Variants in TNPO2 observed in about 807,000 individuals in gnomAD.
TNPO2 encodes the protein transportin-2.
In TNPO2, 16 loss-of-function variants were observed where a neutral mutation model predicts 111.1. The observed-to-expected ratio is 0.14, with a 90% CI of 0.10 to 0.22. TNPO2 has a LOEUF of 0.22. TNPO2 is among the 10% of genes least tolerant of loss of function. TNPO2 has a pLI of 1.00. For synonymous variants in TNPO2, 481 were observed against 475.8 expected (o/e 1.01, Z -0.14); for missense variants, 530 against 1,173.7 (o/e 0.45, Z 8.01).
intron 10 of TNPO2, among the ~76,000 whole-genome samples, chr19:12,714,457 C>T (rs936560129): frequency 2.0e-5 from 3 of 151,850 alleles, no homozygotes; most frequent in Admixed American, 1.3e-4. Context: ...GGACTACAGG[C>T]GCCTGCCACC....
Position 12,701,247 on chromosome 19 carries a change from C to T in TNPO2, c.*21-4G>A. The T allele has an allele frequency of 1.1e-6, 1 of 937,360 alleles. No individual in the cohort carries two copies. Among genetic ancestry groups the T allele is most frequent in the Non-Finnish European group, 1.6e-6 (1 of 610,810 alleles). 58.1% of individuals were successfully genotyped at this position (937,360 alleles called of 1,614,324 possible). ...CGACGACGACGCAGACAGAAACCTGCAGGGGGAGGAGGAAGGTCATGGCCT... is the reference window on the plus strand; with the variant it reads ...CGACGACGACGCAGACAGAAACCTGTAGGGGGAGGAGGAAGGTCATGGCCT... On this transcript the variant is annotated splice_polypyrimidine_tract_variant and splice_region_variant and intron_variant, in intron 25 of 25. Transcript: ENST00000425528. This position sits in a 1 kb window ranked among gnomAD's most constrained non-coding sequence, Gnocchi z 5.0.
Position 12,701,933 on chromosome 19 carries a change from G to A in TNPO2, c.2412-82C>T. On this transcript the variant is annotated intron_variant, in intron 22 of 25. Transcript: ENST00000425528. This position sits in a 1 kb window ranked among gnomAD's most constrained non-coding sequence, Gnocchi z 5.0. ...GGGCTGGGTCACTGGGGATCAGTGA[G>A]TGGGCCTGGGACATGCATCTGTGGG... 1 of 1,424,042 alleles carries A rather than the reference G, an allele frequency of 7.0e-7. No homozygotes were observed. The highest frequency in any genetic ancestry group is 1.2e-5 in the South Asian group (1 of 86,938). The allele number at this position is 1,424,042 out of a possible 1,614,324, so 88.2% of individuals were successfully genotyped here.
Position 12,715,870 on chromosome 19 carries a change from T to A in TNPO2, c.326-131A>T. The A allele has an allele frequency of 1.8e-6, 1 of 556,012 alleles. No individual in the cohort carries two copies. Among genetic ancestry groups the A allele is most frequent in the Non-Finnish European group, 3.1e-6 (1 of 326,844 alleles). The allele number at this position is 556,012 out of a possible 1,614,324, so 34.4% of individuals were successfully genotyped here. A position where few individuals can be genotyped will look rare whatever the true frequency, so the allele number is the denominator to read the frequency against. The stretch of plus-strand genomic sequence containing the variant: ...TGTACGCCCTCTACATCCCCCCTCC[T>A]TTTTTTTTTCTTTGTAAGAGATAGA... On this transcript the variant is annotated intron_variant, in intron 5 of 25. Transcript: ENST00000425528. This position sits in a 1 kb window ranked among gnomAD's most constrained non-coding sequence, Gnocchi z 7.1.
In TNPO2 at chr19:12,711,390, G is replaced by C; in HGVS notation, c.1023C>G (p.Arg341=). The change falls in exon 12 of 26, where the codon CGC becomes CGG. Residue 341 remains arginine, a synonymous_variant. Transcript: ENST00000425528. ...CAGCCTCGTGGGGCAGTGTGACCGT[G>C]CGTGACTTGTGGAAGCGTGGCTTGA... The part of the protein sequence containing the change: ...QDIKPRFHKS[R]TVTLPHEAER... The C allele has an allele frequency of 6.2e-7, 1 of 1,614,012 alleles. No homozygotes were observed. The highest frequency in any genetic ancestry group is 8.5e-7 in the Non-Finnish European group (1 of 1,179,898).
In TNPO2 at chr19:12,710,728, C is replaced by T. The variant is rs937164324; in HGVS notation, c.1163G>A (p.Arg388Gln). The change falls in exon 13 of 26, where the codon CGG (arginine) becomes CAG (glutamine). Residue 388 changes from arginine to glutamine, a missense_variant. Physicochemically the swap from Arg to Gln is conservative, Grantham distance 43. Around this residue, in one of 4 missense-constraint regions of TNPO2, gnomAD observed 88 missense variants for 130.2 expected, o/e 0.68. Transcript: ENST00000425528. ...AALDVLANVF[R>Q]EELLPHLLPL... ...GAGTAGGTGGGGCAGCAGTTCCTCC[C>T]GGAAGACATTGGCGAGGACGTCCAG... 5 of 1,613,342 alleles carry T rather than the reference C, an allele frequency of 3.1e-6. No individual in the cohort carries two copies. Among genetic ancestry groups the T allele is most frequent in the Non-Finnish European group, 4.2e-6 (5 of 1,179,670 alleles).
rs1196117885 is a variant in TNPO2, at chr19:12,719,873, G to A, written c.100-537C>T. On this transcript the variant is annotated intron_variant, in intron 3 of 25. Transcript: ENST00000425528. This position sits in a 1 kb window ranked among gnomAD's most constrained non-coding sequence, Gnocchi z 5.0. The stretch of plus-strand genomic sequence containing the variant: ...CCATCCACTCCTGAAGACCCAGCCA[G>A]AGCAGGAGAGGGAAGGAGAATCCCA... Among the ~76,000 whole-genome samples the A allele has an allele frequency of 1.3e-5, 2 of 151,074 alleles. No homozygotes were observed. Among genetic ancestry groups the A allele is most frequent in the African/African-American group, 4.9e-5 (2 of 41,026 alleles).
At position 12,699,341 on chromosome 19, in the gene TNPO2, A is replaced by AG. The variant is rs2025169719; in HGVS notation, c.*1922dup. On this transcript the variant is annotated 3_prime_UTR_variant, in exon 26 of 26. Coordinates refer to ENST00000425528, the MANE Select transcript of TNPO2 (RefSeq NM_001382241.1). ...GGGGGAAGAGGGTGAGGAGGGAAAG[A>AG]GGGACTGTGGCTCAAGGCCAGTCTG... The AG allele has an allele frequency of 2.5e-6, 1 of 396,580 alleles. No homozygotes were observed. The highest frequency in any genetic ancestry group is 2.8e-5 in the Admixed American group (1 of 36,142). The allele number at this position is 396,580 out of a possible 1,614,324, so 24.6% of individuals were successfully genotyped here. A position where few individuals can be genotyped will look rare whatever the true frequency, so the allele number is the denominator to read the frequency against.
intron 12 of TNPO2, 34 bp from the exon 13 acceptor site, chr19:12,710,807 CG>C (rs1376354090): frequency 6.3e-7 from 1 of 1,576,924 alleles, no homozygotes; most frequent in South Asian, 1.2e-5. Context: ...AGGCTCAGGG[CG>C]GCCCCTCAGG....
At chr19:12,718,073 C>T (rs2026464283) in intron 5 of TNPO2, among the ~76,000 whole-genome samples, 1 of 148,954 alleles carries the variant, frequency 6.7e-6, no homozygotes, top group Non-Finnish European at 1.5e-5. Flanking sequence ...GCCGCAATCT[C>T]GGCTCACTGC....
Position 12,702,329 on chromosome 19 carries a change from G to C in TNPO2, c.2306-152C>G. Reference sequence around the variant, plus strand: ...CAGGGGTCCTCCTCATCACACCTGAGTCACTTCCCAGGTCTCTCTGCATCT... The same window carrying C: ...CAGGGGTCCTCCTCATCACACCTGACTCACTTCCCAGGTCTCTCTGCATCT... On this transcript the variant is annotated intron_variant, in intron 21 of 25. Transcript: ENST00000425528. This position sits in a 1 kb window ranked among gnomAD's most constrained non-coding sequence, Gnocchi z 5.5. The C allele has an allele frequency of 1.4e-6, 1 of 696,748 alleles. No homozygotes were observed. Among genetic ancestry groups the C allele is most frequent in the Non-Finnish European group, 2.6e-6 (1 of 383,962 alleles). 43.2% of individuals were successfully genotyped at this position (696,748 alleles called of 1,614,324 possible). A position where few individuals can be genotyped will look rare whatever the true frequency, so the allele number is the denominator to read the frequency against.
chr19:12,711,248 A>T (rs373048242), intron 12 of TNPO2, 48 bp downstream of exon 12: 1 of 1,592,362 alleles, frequency 6.3e-7, no homozygotes, highest in Non-Finnish European at 8.6e-7. Context: ...CCCAAGAGGG[A>T]GTCCAGGGCT....
Position 12,703,000 on chromosome 19 carries a change from C to A in TNPO2, c.2210-82G>T. On this transcript the variant is annotated intron_variant, in intron 20 of 25. Coordinates refer to ENST00000425528, the MANE Select transcript of TNPO2 (RefSeq NM_001382241.1). The surrounding 1 kb of genome is among the most constrained non-coding windows in gnomAD (Gnocchi z 5.5). ...GGGCCGCCCCACCTCACTCACTACT[C>A]GCCCCAGTTCCAACTAGAGACTGGC... 8.1e-7 allele frequency: 1 copy of A among 1,241,690 alleles called. No individual in the cohort carries two copies. The highest frequency in any genetic ancestry group is 1.9e-5 in the Admixed American group (1 of 51,894). The allele number at this position is 1,241,690 out of a possible 1,614,324, so 76.9% of individuals were successfully genotyped here.
At chr19:12,710,062 G>C (rs2025952462) in intron 13 of TNPO2, among the ~76,000 whole-genome samples, 1 of 152,092 alleles carries the variant, frequency 6.6e-6, no homozygotes, top group African/African-American at 2.4e-5. Flanking sequence ...CAAGTTTTAT[G>C]TCCCACCGGG....
intron 13 of TNPO2, among the ~76,000 whole-genome samples, chr19:12,710,278 G>A (rs1208939825): frequency 1.3e-5 from 2 of 152,182 alleles, no homozygotes; most frequent in East Asian, 1.9e-4. Context: ...ACTGGGATCC[G>A]GCACCCAGCT....
chr19:12,699,903 A>G lies in TNPO2; in HGVS notation c.*1361T>C, dbSNP rs1243980232. 6.6e-6 allele frequency: 1 copy of G among 152,482 alleles called. No individual in the cohort carries two copies. The highest frequency in any genetic ancestry group is 1.5e-5 in the Non-Finnish European group (1 of 68,058). 9.4% of individuals were successfully genotyped at this position (152,482 alleles called of 1,614,324 possible). On this transcript the variant is annotated 3_prime_UTR_variant, in exon 26 of 26. Transcript: ENST00000425528. Reference sequence around the variant, plus strand: ...ACTCCAAAACACAAGGGGCTCCCCAAAGAAGTAGAAAGCAGGGAAGGAAAA... The same window carrying G: ...ACTCCAAAACACAAGGGGCTCCCCAGAGAAGTAGAAAGCAGGGAAGGAAAA...
chr19:12,709,070 C>A (rs1255906494), intron 13 of TNPO2, among the ~76,000 whole-genome samples: 1 of 150,264 alleles, frequency 6.7e-6, no homozygotes, highest in Non-Finnish European at 1.5e-5. Context: ...AGAGGCCAGG[C>A]GTGGTGGCTG....
intron 10 of TNPO2, 55 bp downstream of exon 10, chr19:12,714,766 A>G: frequency 7.2e-7 from 1 of 1,385,586 alleles, no homozygotes; most frequent in Non-Finnish European, 1.0e-6. Flanking sequence ...GGGAAGGCAG[A>G]GGCATAGCAA....
intron 9 of TNPO2, 41 bp from the exon 10 acceptor site, chr19:12,714,980 G>T (rs962585169): frequency 6.3e-7 from 1 of 1,597,864 alleles, no homozygotes. Flanking sequence ...CCTGGCTGGG[G>T]GTGGCTCCCT....
chr19:12,702,305 A>C lies in TNPO2; in HGVS notation c.2306-128T>G. On this transcript the variant is annotated intron_variant, in intron 21 of 25. Coordinates refer to ENST00000425528, the MANE Select transcript of TNPO2 (RefSeq NM_001382241.1). The surrounding 1 kb of genome is among the most constrained non-coding windows in gnomAD (Gnocchi z 5.5). ...CTGGTCCCCCAAGCTTGGCCCAGCC[A>C]GGGGTCCTCCTCATCACACCTGAGT... 1 of 752,340 alleles carries C rather than the reference A, an allele frequency of 1.3e-6. No individual in the cohort carries two copies. Among genetic ancestry groups the C allele is most frequent in the Non-Finnish European group, 2.3e-6 (1 of 434,610 alleles). 46.6% of individuals were successfully genotyped at this position (752,340 alleles called of 1,614,324 possible).
Sources: allele counts gnomAD v4.1 joint callset (sites outside exome capture counted in the v4.1 genomes callset), GRCh38; gene constraint gnomAD v4.1.1; regional missense constraint gnomAD v4.1.1; non-coding constraint Gnocchi (gnomAD v3.1); transcripts MANE v1.5; gene names NCBI Gene and HGNC (gene_info 2026-07-23, HGNC 2026-07-21).